The following STX11 variants were observed in gnomAD, a reference collection of about 807,000 sequenced individuals.
STX11 encodes syntaxin 11.
Under a neutral mutation model 19.9 loss-of-function variants are expected in STX11, and 21 were observed. The ratio of observed to expected loss-of-function variants is 1.06; its 90% CI spans 0.75 to 1.52. The LOEUF (loss-of-function observed/expected upper bound fraction) is 1.52, where lower values mean the gene tolerates loss of function less well. Ranked by LOEUF, STX11 falls within the 40% of genes most tolerant of loss-of-function variation. STX11 has a pLI of 0.00. For missense variants in STX11, 438 were observed against 405.9 expected (o/e 1.08, Z -0.68); for synonymous variants, 193 against 174.4 (o/e 1.11, Z -0.84).
rs1224402127 is a variant in STX11, at chr6:144,165,707, A to G, written c.-6+15004A>G. 1.3e-5 allele frequency among the ~76,000 whole-genome samples: 2 copies of G among 152,224 alleles called. No individual in the cohort carries two copies. The highest frequency in any genetic ancestry group is 2.9e-5 in the Non-Finnish European group (2 of 68,040). ...ACATGCTTCCAAAGGAGTGGTACTT[A>G]TAGTATCTTCAATAAGCTACCTGAT... On this transcript the variant is annotated intron_variant, in intron 1 of 1. Transcript: ENST00000367568. This position sits in a 1 kb window ranked among gnomAD's most constrained non-coding sequence, Gnocchi z 5.8.
At chr6:144,179,222 G>C (rs1286507039) in intron 1 of STX11, among the ~76,000 whole-genome samples, 1 of 152,210 alleles carries the variant, frequency 6.6e-6, no homozygotes, top group Non-Finnish European at 1.5e-5. Context: ...CACCAGAACA[G>C]CATGGGGGAA....
rs915530353 is a variant in STX11 at position 144,190,753 on chromosome 6, G to T, written c.*3262G>T. 3.9e-5 allele frequency among the ~76,000 whole-genome samples: 6 copies of T among 152,172 alleles called. No individual in the cohort carries two copies. The highest frequency in any genetic ancestry group is 5.9e-5 in the Non-Finnish European group (4 of 68,026). On this transcript the variant is annotated 3_prime_UTR_variant, in exon 2 of 2. Coordinates refer to ENST00000367568, the MANE Select transcript of STX11 (RefSeq NM_003764.4). Reference sequence around the variant, plus strand: ...GTTCTTTCCTAATTCTTCCCAAGCTGTGAGTCAGAAAGTCCTGGAAGGAGT... The same window carrying T: ...GTTCTTTCCTAATTCTTCCCAAGCTTTGAGTCAGAAAGTCCTGGAAGGAGT...
the STX11 span, among the ~76,000 whole-genome samples, chr6:144,143,577 C>T: frequency 9.2e-5 from 14 of 152,038 alleles, no homozygotes; most frequent in South Asian, 2.1e-4. Flanking sequence ...GGGGCATACA[C>T]GAACTTCTAT....
At chr6:144,185,650 A>C (rs1802010319) in intron 1 of STX11, among the ~76,000 whole-genome samples, 1 of 152,206 alleles carries the variant, frequency 6.6e-6, no homozygotes, top group Non-Finnish European at 1.5e-5. Context: ...ATGATGAATG[A>C]ATGGGAGTGT....
Position 144,165,181 on chromosome 6 carries a change from G to A in STX11, c.-6+14478G>A, listed in dbSNP as rs570883942. On this transcript the variant is annotated intron_variant, in intron 1 of 1. Transcript: ENST00000367568. This position sits in a 1 kb window ranked among gnomAD's most constrained non-coding sequence, Gnocchi z 5.8. ...TGAAGAAAAATTTTCTTGGCCGGGC[G>A]CGGTGGCTCACGCCTGTAATCCCAG... Among the ~76,000 whole-genome samples the A allele has an allele frequency of 7.9e-5, 12 of 152,098 alleles. No homozygotes were observed. In the East Asian group the frequency reaches 1.2e-3, roughly 15 times the overall value.
At chr6:144,143,181 A>G in the STX11 span, among the ~76,000 whole-genome samples, 3,476 of 152,262 alleles carry the variant, frequency 0.023, 141 homozygotes, top group African/African-American at 0.078. Context: ...CTGGAGAACA[A>G]TTTATATGGC....
chr6:144,159,510 T>C lies in STX11; in HGVS notation c.-6+8807T>C, dbSNP rs1801276639. Among the ~76,000 whole-genome samples, 1 of 57,720 alleles carries C rather than the reference T, an allele frequency of 1.7e-5. No homozygotes were observed. Among genetic ancestry groups the C allele is most frequent in the South Asian group, 9.9e-4 (1 of 1,012 alleles). 37.9% of individuals were successfully genotyped at this position (57,720 alleles called of 152,430 possible). A position where few individuals can be genotyped will look rare whatever the true frequency, so the allele number is the denominator to read the frequency against. ...ATCTTTTGGTTGAGCTAGTTCAAAA[T>C]TGACTCTGTGTGTGTGTGTGTGTGT... On this transcript the variant is annotated intron_variant, in intron 1 of 1. Coordinates refer to ENST00000367568, the MANE Select transcript of STX11 (RefSeq NM_003764.4). The surrounding 1 kb of genome is among the most constrained non-coding windows in gnomAD (Gnocchi z 4.3).
chr6:144,158,428 T>G (rs1332997869), intron 1 of STX11, among the ~76,000 whole-genome samples: 1 of 152,228 alleles, frequency 6.6e-6, no homozygotes, highest in Non-Finnish European at 1.5e-5. Context: ...CCAAATTTTT[T>G]GAATAGTTGC....
rs1287644102 is a variant in STX11 at position 144,160,224 on chromosome 6, T to TC, written c.-6+9522dup. 6.6e-6 allele frequency among the ~76,000 whole-genome samples: 1 copy of TC among 152,158 alleles called. No individual in the cohort carries two copies. Among genetic ancestry groups the TC allele is most frequent in the Non-Finnish European group, 1.5e-5 (1 of 68,036 alleles). ...TTCACTATATTTGGCCAGGCTGGTC[T>TC]CGAACTCCTGACCTCAGGTGAACCG... On this transcript the variant is annotated intron_variant, in intron 1 of 1. Transcript: ENST00000367568. This position sits in a 1 kb window ranked among gnomAD's most constrained non-coding sequence, Gnocchi z 4.3.
chr6:144,143,984 T>G, the STX11 span, among the ~76,000 whole-genome samples: 5 of 152,230 alleles, frequency 3.3e-5, no homozygotes, highest in Admixed American at 3.3e-4. Flanking sequence ...TTCTAACCAT[T>G]AATATATGAG....
chr6:144,156,031 C>T (rs1485032665), intron 1 of STX11, among the ~76,000 whole-genome samples: 5 of 128,624 alleles, frequency 3.9e-5, no homozygotes, highest in African/African-American at 1.6e-4. Context: ...TCTCTCCTTC[C>T]TTCCTTCCTT....
upstream of STX11, chr6:144,150,384 G>A: frequency 1.6e-6 from 1 of 634,244 alleles, no homozygotes; most frequent in African/African-American, 2.0e-5. Context: ...CGAGCGCATG[G>A]ACTCTGGGTG....
At position 144,188,082 on chromosome 6, in the gene STX11, T is replaced by C. The variant is rs1802111552; in HGVS notation, c.*591T>C. 8.2e-6 allele frequency: 2 copies of C among 242,536 alleles called. No homozygotes were observed. The highest frequency in any genetic ancestry group is 2.2e-5 in the African/African-American group (1 of 45,066). 15.0% of individuals were successfully genotyped at this position (242,536 alleles called of 1,614,324 possible). On this transcript the variant is annotated 3_prime_UTR_variant, in exon 2 of 2. Coordinates refer to ENST00000367568, the MANE Select transcript of STX11 (RefSeq NM_003764.4). ...AAAATCACACCAAACACTTACTATT[T>C]TCTTATCTCTTTCACTTTTTAAATA...
chr6:144,173,399 G>A (rs1801694645), intron 1 of STX11, among the ~76,000 whole-genome samples: 1 of 152,214 alleles, frequency 6.6e-6, no homozygotes, highest in African/African-American at 2.4e-5. Context: ...GTCTAGCTGA[G>A]AAGGTCTGCG....
At chr6:144,173,927 A>G (rs1801708215) in intron 1 of STX11, among the ~76,000 whole-genome samples, 1 of 152,226 alleles carries the variant, frequency 6.6e-6, no homozygotes, top group African/African-American at 2.4e-5. Flanking sequence ...TGCCACTTCT[A>G]GGTACCAATT....
chr6:144,187,634 A>G lies in STX11; in HGVS notation c.*143A>G, dbSNP rs1802097619. 2.7e-6 allele frequency: 3 copies of G among 1,129,096 alleles called. No individual in the cohort carries two copies. In the Admixed American group the frequency reaches 7.1e-5, roughly 27 times the overall value. The allele number at this position is 1,129,096 out of a possible 1,614,324, so 69.9% of individuals were successfully genotyped here. A position where few individuals can be genotyped will look rare whatever the true frequency, so the allele number is the denominator to read the frequency against. On this transcript the variant is annotated 3_prime_UTR_variant, in exon 2 of 2. Coordinates refer to ENST00000367568, the MANE Select transcript of STX11 (RefSeq NM_003764.4). The surrounding 1 kb of genome is among the most constrained non-coding windows in gnomAD (Gnocchi z 5.6). Reference sequence around the variant, plus strand: ...CTTTAGAAAAGAAACGCCAGGTTCAAGAATTGCAAACCAGCCTGTGCTTGG... The same window carrying G: ...CTTTAGAAAAGAAACGCCAGGTTCAGGAATTGCAAACCAGCCTGTGCTTGG...
At position 144,174,055 on chromosome 6, in the gene STX11, T is replaced by G. The variant is rs1418273464; in HGVS notation, c.-5-12568T>G. Among the ~76,000 whole-genome samples, 1 of 152,226 alleles carries G rather than the reference T, an allele frequency of 6.6e-6. No individual in the cohort carries two copies. The highest frequency in any genetic ancestry group is 1.9e-4 in the East Asian group (1 of 5,198). Reference sequence around the variant, plus strand: ...TTGGCTGAGCAGTCTTCTGTTGGGCTCTCCGCGGCTCCTTCATTTTCAGTC... The same window carrying G: ...TTGGCTGAGCAGTCTTCTGTTGGGCGCTCCGCGGCTCCTTCATTTTCAGTC... On this transcript the variant is annotated intron_variant, in intron 1 of 1. Coordinates refer to ENST00000367568, the MANE Select transcript of STX11 (RefSeq NM_003764.4). This position sits in a 1 kb window ranked among gnomAD's most constrained non-coding sequence, Gnocchi z 5.3.
chr6:144,183,914 A>G lies in STX11; in HGVS notation c.-5-2709A>G, dbSNP rs6939189. 0.56 allele frequency among the ~76,000 whole-genome samples: 84,395 copies of G among 151,866 alleles called. 26,202 individuals are homozygous for G. Among genetic ancestry groups the G allele is most frequent in the African/African-American group, 0.85 (35,150 of 41,456 alleles). On this transcript the variant is annotated intron_variant, in intron 1 of 1. Transcript: ENST00000367568. The surrounding 1 kb of genome is among the most constrained non-coding windows in gnomAD (Gnocchi z 4.6). ...ACTTCCCCGACAGGCCCCACTGTGCATTATTCCCCTCCCTGTGTCCAGGTG... is the reference window on the plus strand; with the variant it reads ...ACTTCCCCGACAGGCCCCACTGTGCGTTATTCCCCTCCCTGTGTCCAGGTG...
At position 144,160,961 on chromosome 6, in the gene STX11, T is replaced by G. The variant is rs1801319795; in HGVS notation, c.-6+10258T>G. 6.6e-6 allele frequency among the ~76,000 whole-genome samples: 1 copy of G among 152,242 alleles called. No homozygotes were observed. Among genetic ancestry groups the G allele is most frequent in the Admixed American group, 6.5e-5 (1 of 15,288 alleles). On this transcript the variant is annotated intron_variant, in intron 1 of 1. Transcript: ENST00000367568. The surrounding 1 kb of genome is among the most constrained non-coding windows in gnomAD (Gnocchi z 4.3). ...CTCAAGTATAACTTGATTCATGTTCTCATTTTTTGTCTTGCTTTTACCATA... is the reference window on the plus strand; with the variant it reads ...CTCAAGTATAACTTGATTCATGTTCGCATTTTTTGTCTTGCTTTTACCATA...
Sources: allele counts gnomAD v4.1 joint callset (sites outside exome capture counted in the v4.1 genomes callset), GRCh38; gene constraint gnomAD v4.1.1; non-coding constraint Gnocchi (gnomAD v3.1); transcripts MANE v1.5; gene names NCBI Gene and HGNC (gene_info 2026-07-23, HGNC 2026-07-21).